SPTBN1: variants seen among roughly 807,000 people sequenced by gnomAD.
The protein encoded by SPTBN1 is spectrin beta, non-erythrocytic 1.
A neutral mutation model predicts 266.4 loss-of-function variants in SPTBN1; 32 were observed. The ratio of observed to expected loss-of-function variants is 0.12; its 90% CI spans 0.09 to 0.16. The LOEUF is 0.16. Ranked by LOEUF, SPTBN1 falls within the 10% of genes least tolerant of loss-of-function variation. SPTBN1 has a pLI of 1.00. For missense variants in SPTBN1, 2,296 were observed against 3,067.1 expected, an observed-to-expected ratio of 0.75 and a Z score of 5.94; for synonymous variants, 1,336 against 1,162.2, an observed-to-expected ratio of 1.15 and a Z score of -3.04.
intron 18 of SPTBN1, among the ~76,000 whole-genome samples, chr2:54,640,931 C>A (rs1468582516): frequency 6.6e-6 from 1 of 152,240 alleles, no homozygotes; most frequent in East Asian, 1.9e-4. Context: ...TATGTCCTCA[C>A]ATTACACCAC....
rs72918782 is a variant in SPTBN1 at position 54,558,487 on chromosome 2, C to T, written c.148+31921C>T. ...AAAAGTTCTGAAGTAGAACCTGCGC[C>T]TCCTCTCTGCTTCTCCCTCCTCCTC... On this transcript the variant is annotated intron_variant, in intron 2 of 35. Coordinates refer to ENST00000356805, the MANE Select transcript of SPTBN1 (RefSeq NM_003128.3). The surrounding 1 kb of genome is among the most constrained non-coding windows in gnomAD (Gnocchi z 4.6). 8,511 of 1,143,868 alleles carry T rather than the reference C, an allele frequency of 7.4e-3. 491 individuals are homozygous for T. The African/African-American group carries it at 0.12, about 16-fold the overall frequency. 70.9% of individuals were successfully genotyped at this position (1,143,868 alleles called of 1,614,324 possible).
intron 2 of SPTBN1, among the ~76,000 whole-genome samples, chr2:54,573,613 G>T (rs78604024): frequency 1.3e-5 from 2 of 152,176 alleles, no homozygotes; most frequent in African/African-American, 2.4e-5. Context: ...CTCCCTCAGC[G>T]GGAATTCACA....
chr2:54,532,179 G>C (rs1671292843), intron 2 of SPTBN1, among the ~76,000 whole-genome samples: 2 of 152,010 alleles, frequency 1.3e-5, no homozygotes, highest in South Asian at 2.1e-4. Context: ...ATCCCAGCTA[G>C]TTGGGAGGCT....
intron 1 of SPTBN1, among the ~76,000 whole-genome samples, chr2:54,501,436 T>A (rs1669264994): frequency 6.6e-6 from 1 of 152,234 alleles, no homozygotes; most frequent in African/African-American, 2.4e-5. Flanking sequence ...GTAGAAACCT[T>A]CCTTCTCCCT....
At chr2:54,560,834 C>T (rs944537296) in intron 2 of SPTBN1, among the ~76,000 whole-genome samples, 1 of 152,174 alleles carries the variant, frequency 6.6e-6, no homozygotes, top group Non-Finnish European at 1.5e-5. Flanking sequence ...TGGTGGACCT[C>T]AGGAGAATTA....
intron 1 of SPTBN1, among the ~76,000 whole-genome samples, chr2:54,516,620 C>T (rs1005735693): frequency 5.3e-5 from 8 of 152,044 alleles, no homozygotes; most frequent in Non-Finnish European, 8.8e-5. Flanking sequence ...TTATGCTTGC[C>T]GACTAAGTGA....
At chr2:54,525,671 T>C (rs1573336236) in intron 1 of SPTBN1, among the ~76,000 whole-genome samples, 1 of 152,282 alleles carries the variant, frequency 6.6e-6, no homozygotes, top group Admixed American at 6.5e-5. Context: ...TGATACACAA[T>C]GGGAATAAAT....
chr2:54,526,541 G>A lies in SPTBN1; in HGVS notation c.123G>A (p.Glu41=). 6.2e-7 allele frequency: 1 copy of A among 1,614,132 alleles called. No individual in the cohort carries two copies. The highest frequency in any genetic ancestry group is 8.5e-7 in the Non-Finnish European group (1 of 1,180,008). The change falls in exon 2 of 36, where the codon GAG becomes GAA. Residue 41 remains glutamate, a synonymous_variant. Coordinates refer to ENST00000356805, the MANE Select transcript of SPTBN1 (RefSeq NM_003128.3). The part of the protein sequence containing the change: ...DNENSSARLF[E]RSRIKALADE... ...AGAACAGCTCTGCGCGGCTTTTTGA[G>A]CGGTCCCGCATCAAGGCTCTGGCAG...
chr2:54,518,889 A>G (rs1670268607), intron 1 of SPTBN1, among the ~76,000 whole-genome samples: 1 of 152,186 alleles, frequency 6.6e-6, no homozygotes, highest in African/African-American at 2.4e-5. Context: ...CTGAAATCTG[A>G]GTAGTTCAGA....
intron 7 of SPTBN1, among the ~76,000 whole-genome samples, chr2:54,618,494 T>C (rs1677780794): frequency 6.6e-6 from 1 of 152,274 alleles, no homozygotes; most frequent in South Asian, 2.1e-4. Flanking sequence ...TCAATGGGAA[T>C]GGTGTTTAGG....
chr2:54,493,540 T>G (rs1668803549), intron 1 of SPTBN1, among the ~76,000 whole-genome samples: 1 of 152,072 alleles, frequency 6.6e-6, no homozygotes, highest in South Asian at 2.1e-4. Context: ...TAACTGGGAC[T>G]ACAGGTGTGT....
At chr2:54,505,993 G>A (rs1304102937) in intron 1 of SPTBN1, among the ~76,000 whole-genome samples, 5 of 152,036 alleles carry the variant, frequency 3.3e-5, no homozygotes, top group East Asian at 1.9e-4. Flanking sequence ...GCGAGGTGAC[G>A]GGTGCCTGTA....
intron 2 of SPTBN1, among the ~76,000 whole-genome samples, chr2:54,573,517 A>G (rs764800227): frequency 1.3e-5 from 2 of 152,140 alleles, no homozygotes; most frequent in Non-Finnish European, 2.9e-5. Context: ...ACGGGCCAGG[A>G]CCAATACCGG....
chr2:54,579,109 C>A (rs1674695060), intron 2 of SPTBN1, among the ~76,000 whole-genome samples: 1 of 152,116 alleles, frequency 6.6e-6, no homozygotes, highest in Non-Finnish European at 1.5e-5. Flanking sequence ...CTGCACCAAC[C>A]TAATATATAT....
At chr2:54,530,104 T>C (rs561958142) in intron 2 of SPTBN1, among the ~76,000 whole-genome samples, 16 of 152,212 alleles carry the variant, frequency 1.1e-4, no homozygotes, top group African/African-American at 3.9e-4. Context: ...TCTAGGGCTT[T>C]CGGTAGATAC....
At chr2:54,603,296 C>T (rs1315456183) in intron 3 of SPTBN1, among the ~76,000 whole-genome samples, 2 of 152,082 alleles carry the variant, frequency 1.3e-5, no homozygotes, top group African/African-American at 2.4e-5. Context: ...CAGGAACTGG[C>T]GCAGGGCAAG....
intron 2 of SPTBN1, chr2:54,528,603 G>C (rs1670983179): frequency 6.6e-6 from 1 of 151,956 alleles, no homozygotes; most frequent in Non-Finnish European, 1.5e-5. Context: ...ACAGGTTCCA[G>C]AGAGATTAAG....
Position 54,599,186 on chromosome 2 carries a change from C to T in SPTBN1, c.243C>T (p.Asp81=). ...VSCRITDLYT[D]LRDGRMLIKL... ...GCCGGATCACAGACCTGTACACTGA[C>T]CTTCGAGATGGACGGATGCTCATCA... Residue 81 remains aspartate, a synonymous_variant, in exon 3 of 36, where the codon GAC becomes GAT. Transcript: ENST00000356805. 6.2e-7 allele frequency: 1 copy of T among 1,614,202 alleles called. No individual in the cohort carries two copies. The highest frequency in any genetic ancestry group is 8.5e-7 in the Non-Finnish European group (1 of 1,180,038).
chr2:54,582,757 G>T (rs1286253641), intron 2 of SPTBN1, among the ~76,000 whole-genome samples: 1 of 152,158 alleles, frequency 6.6e-6, no homozygotes, highest in African/African-American at 2.4e-5. Flanking sequence ...TTTCATATCA[G>T]TTGGAGCCAA....
Sources: allele counts gnomAD v4.1 joint callset (sites outside exome capture counted in the v4.1 genomes callset), GRCh38; gene constraint gnomAD v4.1.1; non-coding constraint Gnocchi (gnomAD v3.1); transcripts MANE v1.5; gene names NCBI Gene and HGNC (gene_info 2026-07-23, HGNC 2026-07-21).